The following SCAF8 variants were observed in gnomAD, a reference collection of about 807,000 sequenced individuals.
The protein encoded by SCAF8 is SR-related CTD associated factor 8, also known as SR-related and CTD-associated factor 8.
A neutral mutation model predicts 140.5 loss-of-function variants in SCAF8; 23 were observed. The observed-to-expected ratio is 0.16, with a 90% CI of 0.12 to 0.23. The LOEUF is 0.23. Among genes scored for constraint, SCAF8 ranks in the 10% least tolerant of loss-of-function variants. SCAF8 has a pLI of 1.00. For missense variants in SCAF8, 1,397 were observed against 1,555.7 expected, an observed-to-expected ratio of 0.90 and a Z score of 1.72; for synonymous variants, 575 against 528.9, an observed-to-expected ratio of 1.09 and a Z score of -1.20.
intron 11 of SCAF8, among the ~76,000 whole-genome samples, chr6:154,809,464 T>G (rs901987718): frequency 6.6e-6 from 1 of 152,182 alleles, no homozygotes; most frequent in African/African-American, 2.4e-5. Flanking sequence ...ACTGAATTAT[T>G]TTCCTGAAGC....
intron 1 of SCAF8, among the ~76,000 whole-genome samples, chr6:154,742,999 A>G (rs1445541117): frequency 1.3e-5 from 2 of 152,168 alleles, no homozygotes; most frequent in East Asian, 1.9e-4. Context: ...CAGACAAGCA[A>G]AAACCATGCC....
chr6:154,761,940 T>C (rs192556735), intron 1 of SCAF8, among the ~76,000 whole-genome samples: 2 of 152,338 alleles, frequency 1.3e-5, no homozygotes, highest in African/African-American at 2.4e-5. Context: ...AAATCTGTTA[T>C]TTACCTTTTA....
intron 13 of SCAF8, among the ~76,000 whole-genome samples, chr6:154,816,716 T>C (rs1304929760): frequency 6.6e-6 from 1 of 152,160 alleles, no homozygotes; most frequent in Non-Finnish European, 1.5e-5. Context: ...AATTGCCCAG[T>C]TTTCCTTTCT....
chr6:154,760,029 C>T (rs6557370), intron 1 of SCAF8, among the ~76,000 whole-genome samples: 84,613 of 151,858 alleles, frequency 0.56, 25,383 homozygotes, highest in East Asian at 0.91. Flanking sequence ...TAGTAGCTCA[C>T]GCCTGTAATC....
At chr6:154,779,781 G>GTGTGTATATA (rs1212419688) in intron 3 of SCAF8, among the ~76,000 whole-genome samples, 6 of 144,174 alleles carry the variant, frequency 4.2e-5, no homozygotes, top group African/African-American at 1.6e-4. Flanking sequence ...GTGTGTGTGT[G>GTGTGTATATA]TATATATATA....
intron 1 of SCAF8, among the ~76,000 whole-genome samples, chr6:154,752,610 T>C (rs1045610340): frequency 2.0e-5 from 3 of 152,206 alleles, no homozygotes; most frequent in African/African-American, 4.8e-5. Context: ...GTAAAAGTTA[T>C]AGAGACTATG....
chr6:154,824,359 C>T lies in SCAF8; in HGVS notation c.2052C>T (p.Asn684=). Residue 684 remains asparagine, a synonymous_variant, in exon 17 of 20, where the codon AAC becomes AAT. Transcript: ENST00000367178. The part of the protein sequence containing the change: ...PPPPFLRASF[N]PSQPPPGFMP... Reference sequence around the variant, plus strand: ...CTCCTTTTTTAAGAGCAAGTTTTAACCCTTCACAACCACCACCTGGTAAGG... The same window carrying T: ...CTCCTTTTTTAAGAGCAAGTTTTAATCCTTCACAACCACCACCTGGTAAGG... The T allele has an allele frequency of 1.9e-6, 3 of 1,613,364 alleles. No homozygotes were observed. Among genetic ancestry groups the T allele is most frequent in the Non-Finnish European group, 1.7e-6 (2 of 1,179,580 alleles).
rs996809062 is a variant in SCAF8, at chr6:154,833,603, AT to A, written c.*215del. The A allele has an allele frequency of 1.9e-5, 8 of 418,338 alleles. No homozygotes were observed. The highest frequency in any genetic ancestry group is 3.3e-5 in the Non-Finnish European group (8 of 241,336). 25.9% of individuals were successfully genotyped at this position (418,338 alleles called of 1,614,324 possible). A position where few individuals can be genotyped will look rare whatever the true frequency, so the allele number is the denominator to read the frequency against. Reference sequence around the variant, plus strand: ...AACATGGTAGGTAAACTTTTTTTTTATTTTTTTCTGATAAAATACAAATGTT... The same window carrying A: ...AACATGGTAGGTAAACTTTTTTTTTATTTTTTCTGATAAAATACAAATGTT... On this transcript the variant is annotated 3_prime_UTR_variant, in exon 20 of 20. Coordinates refer to ENST00000367178, the MANE Select transcript of SCAF8 (RefSeq NM_014892.5).
chr6:154,795,099 C>T lies in SCAF8; in HGVS notation c.566C>T (p.Ala189Val), dbSNP rs749076389. Residue 189 changes from alanine (A) to valine (V), a missense_variant, in exon 6 of 20, where the codon GCG becomes GTG. Physicochemically the swap from Ala to Val is moderately conservative, Grantham distance 64. This residue lies in a region of SCAF8 where 339 missense variants were observed against 407.5 expected (regional missense o/e 0.83). Transcript: ENST00000367178. Reference protein sequence around the residue: ...VSQITNTDTLAAVAQILQSPQ... With the variant: ...VSQITNTDTLVAVAQILQSPQ... ...CAGATAACAAATACAGATACACTTG[C>T]GGCTGTAGCTCAGATCTTGCAAAGT... The T allele has an allele frequency of 5.0e-6, 8 of 1,613,164 alleles. No homozygotes were observed. The highest frequency in any genetic ancestry group is 1.1e-5 in the South Asian group (1 of 90,972).
At chr6:154,808,401 A>G (rs1392968908) in intron 10 of SCAF8, among the ~76,000 whole-genome samples, 200 bp downstream of exon 10, 2 of 152,182 alleles carry the variant, frequency 1.3e-5, no homozygotes, top group Non-Finnish European at 2.9e-5. Context: ...ACTGCTTTGA[A>G]TGCAGCCCAA....
At chr6:154,759,521 G>A (rs1779046522) in intron 1 of SCAF8, among the ~76,000 whole-genome samples, 1 of 152,130 alleles carries the variant, frequency 6.6e-6, no homozygotes, top group Non-Finnish European at 1.5e-5. Context: ...AATTATTTAT[G>A]TGAAAACAGT....
intron 1 of SCAF8, among the ~76,000 whole-genome samples, chr6:154,766,469 T>TTC (rs1776569674): frequency 6.6e-6 from 1 of 152,206 alleles, no homozygotes; most frequent in South Asian, 2.1e-4. Flanking sequence ...ATTGTAACCC[T>TTC]TCTGCCAGAT....
chr6:154,758,724 GA>G (rs1373466146), intron 1 of SCAF8, among the ~76,000 whole-genome samples: 2 of 152,054 alleles, frequency 1.3e-5, no homozygotes, highest in Non-Finnish European at 1.5e-5. Context: ...TTGGATAATA[GA>G]GACCTCTGTT....
intron 2 of SCAF8, among the ~76,000 whole-genome samples, chr6:154,776,795 T>G (rs1233585781): frequency 6.6e-6 from 1 of 152,222 alleles, no homozygotes; most frequent in Non-Finnish European, 1.5e-5. Context: ...TTTGTTATTA[T>G]AAATACTGGA....
At chr6:154,792,998 T>C in intron 5 of SCAF8, 22 bp downstream of exon 5, 5 of 1,576,898 alleles carry the variant, frequency 3.2e-6, no homozygotes, top group Non-Finnish European at 4.3e-6. Flanking sequence ...TAATATAGAT[T>C]TGTTGTCTAA....
Position 154,832,112 on chromosome 6 carries a change from C to T in SCAF8, c.2533C>T (p.Pro845Ser), listed in dbSNP as rs1224934329. The T allele has an allele frequency of 6.2e-7, 1 of 1,613,998 alleles. No homozygotes were observed. The highest frequency in any genetic ancestry group is 1.1e-5 in the South Asian group (1 of 91,084). The change falls in exon 20 of 20, where the codon CCA (proline) becomes TCA (serine). Residue 845 changes from proline to serine, a missense_variant. Physicochemically the swap from Pro to Ser is moderately conservative, Grantham distance 74 (BLOSUM62 -1). Around this residue, in one of 5 missense-constraint regions of SCAF8, gnomAD observed 930 missense variants for 874.6 expected, o/e 1.06. Transcript: ENST00000367178. The part of the protein sequence containing the change: ...SSSSGIIAAQ[P>S]PNILNNSGIL... ...TAGTTCTGGGATTATTGCAGCCCAA[C>T]CACCAAATATTCTAAATAACTCTGG...
chr6:154,747,896 CTGTGTG>C (rs71021073), intron 1 of SCAF8, among the ~76,000 whole-genome samples: 21,058 of 144,602 alleles, frequency 0.15, 1,566 homozygotes, highest in South Asian at 0.26. Flanking sequence ...CATTTCATTT[CTGTGTG>C]TGTGTGTGTG....
chr6:154,816,049 G>GTACC (rs1324160087), intron 13 of SCAF8, among the ~76,000 whole-genome samples: 3 of 152,126 alleles, frequency 2.0e-5, no homozygotes, highest in Admixed American at 6.5e-5. Flanking sequence ...TTATAGCAGT[G>GTACC]TACCATGCTT....
At chr6:154,766,810 G>A (rs1345065514) in intron 1 of SCAF8, among the ~76,000 whole-genome samples, 1 of 151,828 alleles carries the variant, frequency 6.6e-6, no homozygotes, top group Non-Finnish European at 1.5e-5. Flanking sequence ...GGGTTTCAAA[G>A]CTTTTTTTGT....
Sources: gnomAD v4.1 joint callset for allele counts (sites outside exome capture counted in the v4.1 genomes callset) on GRCh38, gnomAD v4.1.1 for gene constraint, gnomAD v4.1.1 regional missense constraint, MANE v1.5 for transcripts, NCBI Gene and HGNC (gene_info 2026-07-23, HGNC 2026-07-21) for gene names.